Variants in TAOK3 observed in about 807,000 individuals in gnomAD.
The protein encoded by TAOK3 is TAO kinase 3.
TAOK3 carries 40 observed loss-of-function variants against 120.4 expected under a neutral mutation model. The observed-to-expected ratio is 0.33, with a 90% CI of 0.26 to 0.43. The LOEUF is 0.43. Among genes scored for constraint, TAOK3 ranks in the 20% least tolerant of loss-of-function variants. The pLI, the probability that TAOK3 is intolerant of heterozygous loss-of-function variation, is 1.00. For missense variants in TAOK3, 821 were observed against 1,112.1 expected (o/e 0.74, Z 3.72); for synonymous variants, 355 against 387.5 (o/e 0.92, Z 0.99).
rs1268645985 is a variant in TAOK3 at position 118,301,822 on chromosome 12, A to G, written c.-193-35063T>C. On this transcript the variant is annotated intron_variant, in intron 1 of 20. Transcript: ENST00000392533. ...GTGCCACTGCACTCCAGCCTGGGCA[A>G]CAGAGTGAGACTCCATCTCAAAAAA... Among the ~76,000 whole-genome samples, 10 of 148,510 alleles carry G rather than the reference A, an allele frequency of 6.7e-5. No homozygotes were observed. In the East Asian group the frequency reaches 2.0e-3, roughly 29 times the overall value.
intron 9 of TAOK3, among the ~76,000 whole-genome samples, chr12:118,224,035 G>A (rs954519731): frequency 2.0e-5 from 3 of 152,216 alleles, no homozygotes; most frequent in Admixed American, 6.5e-5. Context: ...CTATATGCCA[G>A]GCACTCACTG....
chr12:118,166,569 G>T (rs2035598318), intron 17 of TAOK3, among the ~76,000 whole-genome samples: 4 of 151,476 alleles, frequency 2.6e-5, no homozygotes, highest in Admixed American at 2.6e-4. Context: ...CTAATAAATG[G>T]CATACTTTCC....
At chr12:118,184,844 A>G (rs566532057) in intron 14 of TAOK3, among the ~76,000 whole-genome samples, 2 of 152,340 alleles carry the variant, frequency 1.3e-5, no homozygotes, top group East Asian at 3.9e-4. Context: ...CCTTGGGCAA[A>G]TTACTTAACC....
intron 2 of TAOK3, among the ~76,000 whole-genome samples, chr12:118,262,166 T>C (rs1383913771): frequency 1.3e-5 from 2 of 151,924 alleles, no homozygotes; most frequent in East Asian, 3.9e-4. Context: ...TGGCCTGAAA[T>C]GATTATGTCT....
intron 13 of TAOK3, 145 bp from the exon 14 acceptor site, chr12:118,190,086 A>T: frequency 1.0e-6 from 1 of 1,000,304 alleles, no homozygotes; most frequent in Non-Finnish European, 1.4e-6. Flanking sequence ...CTCCCACGGT[A>T]CAAAATGAAT....
intron 1 of TAOK3, among the ~76,000 whole-genome samples, 152 bp from the exon 2 acceptor site, chr12:118,266,911 G>T (rs955788805): frequency 6.6e-6 from 1 of 152,162 alleles, no homozygotes; most frequent in African/African-American, 2.4e-5. Context: ...TAAAAGGTAA[G>T]ATGCTCAAAA....
At chr12:118,187,585 T>C (rs1188278160) in intron 14 of TAOK3, among the ~76,000 whole-genome samples, 1 of 151,744 alleles carries the variant, frequency 6.6e-6, no homozygotes, top group Non-Finnish European at 1.5e-5. Context: ...ACACCATACC[T>C]TTTCCCTTCC....
rs1360657038 is a variant in TAOK3, at chr12:118,324,768, G to A, written c.-194+47880C>T. Among the ~76,000 whole-genome samples, 6 of 119,204 alleles carry A rather than the reference G, an allele frequency of 5.0e-5. No individual in the cohort carries two copies. In the East Asian group the frequency reaches 1.2e-3, roughly 24 times the overall value. 78.2% of individuals were successfully genotyped at this position (119,204 alleles called of 152,430 possible). A position where few individuals can be genotyped will look rare whatever the true frequency, so the allele number is the denominator to read the frequency against. ...TTTTTTTTTTTTTTTTTTTTGAGAC[G>A]GAGTCTTGCTCTGTCACCCAGGCTG... On this transcript the variant is annotated intron_variant, in intron 1 of 20. Transcript: ENST00000392533.
chr12:118,226,210 C>T (rs937077318), intron 9 of TAOK3, among the ~76,000 whole-genome samples: 19 of 152,264 alleles, frequency 1.2e-4, no homozygotes, highest in Non-Finnish European at 2.6e-4. Flanking sequence ...CCCGTCTCTA[C>T]TGAAAATACA....
intron 1 of TAOK3, among the ~76,000 whole-genome samples, chr12:118,331,642 T>C (rs899055323): frequency 1.9e-5 from 2 of 103,660 alleles, no homozygotes; most frequent in African/African-American, 9.6e-5. Context: ...GAGACTCTTA[T>C]CTCAAAAAAA....
At chr12:118,356,644 G>A (rs2045407097) in intron 1 of TAOK3, among the ~76,000 whole-genome samples, 1 of 152,022 alleles carries the variant, frequency 6.6e-6, no homozygotes, top group South Asian at 2.1e-4. Context: ...CACGTGCAGT[G>A]GCTCACACCT....
At chr12:118,193,474 G>A (rs185949508) in intron 13 of TAOK3, among the ~76,000 whole-genome samples, 4 of 152,342 alleles carry the variant, frequency 2.6e-5, no homozygotes, top group East Asian at 1.9e-4. Context: ...TGTGAAGCAT[G>A]AGGCACACAA....
intron 14 of TAOK3, among the ~76,000 whole-genome samples, chr12:118,186,262 C>T (rs766675001): frequency 2.0e-5 from 3 of 152,186 alleles, no homozygotes; most frequent in Non-Finnish European, 4.4e-5. Context: ...AACATAAATT[C>T]GCCTCTGTAA....
intron 14 of TAOK3, among the ~76,000 whole-genome samples, chr12:118,182,721 G>A (rs916776698): frequency 6.7e-6 from 1 of 149,346 alleles, no homozygotes; most frequent in African/African-American, 2.5e-5. Flanking sequence ...GAAGAGGTGA[G>A]TATGAGATCA....
chr12:118,265,205 A>G (rs1010267205), intron 2 of TAOK3, among the ~76,000 whole-genome samples: 4 of 151,966 alleles, frequency 2.6e-5, no homozygotes, highest in Non-Finnish European at 5.9e-5. Context: ...CCTGGCCAAC[A>G]TGGTGAAACC....
At chr12:118,159,988 T>C in intron 19 of TAOK3, 158 bp downstream of exon 19, 1 of 653,560 alleles carries the variant, frequency 1.5e-6, no homozygotes, top group South Asian at 1.9e-5. Flanking sequence ...CACATTGGCT[T>C]GGCTTTATTC....
chr12:118,193,101 A>G (rs1226035900), intron 13 of TAOK3, among the ~76,000 whole-genome samples: 1 of 114,118 alleles, frequency 8.8e-6, no homozygotes, highest in Non-Finnish European at 1.6e-5. Context: ...CCCAGGCTGG[A>G]GTGTAGTGGC....
intron 1 of TAOK3, among the ~76,000 whole-genome samples, chr12:118,334,968 C>G (rs1452822928): frequency 6.6e-6 from 1 of 151,452 alleles, no homozygotes; most frequent in Non-Finnish European, 1.5e-5. Context: ...CACCTGAGGT[C>G]GGGAGTTTGA....
chr12:118,361,929 A>AATAATAATAAT (rs539500574), intron 1 of TAOK3, among the ~76,000 whole-genome samples: 1 of 132,726 alleles, frequency 7.5e-6, no homozygotes, highest in South Asian at 2.2e-4. Flanking sequence ...ATAATAATAA[A>AATAATAATAAT]AAAACATGCT....
Sources: gnomAD v4.1 joint callset for allele counts (sites outside exome capture counted in the v4.1 genomes callset) on GRCh38, gnomAD v4.1.1 for gene constraint, MANE v1.5 for transcripts, NCBI Gene and HGNC (gene_info 2026-07-23, HGNC 2026-07-21) for gene names.